The following NR5A2 variants were observed in gnomAD, a reference collection of about 807,000 sequenced individuals.
NR5A2 encodes nuclear receptor subfamily 5 group A member 2.
A neutral mutation model predicts 62.7 loss-of-function variants in NR5A2; 26 were observed. The ratio of observed to expected loss-of-function variants is 0.41; its 90% CI spans 0.30 to 0.58. The LOEUF (loss-of-function observed/expected upper bound fraction) is 0.58, where lower values mean the gene tolerates loss of function less well. NR5A2 is among the 20% of genes least tolerant of loss of function. The pLI is 0.22. For missense variants in NR5A2, 541 were observed against 669.1 expected (o/e 0.81, Z 2.11); for synonymous variants, 246 against 241.7 (o/e 1.02, Z -0.16).
At chr1:200,038,621 C>T (rs1317533925) in intron 1 of NR5A2, 1 of 944,284 alleles carries the variant, frequency 1.1e-6, no homozygotes, top group Non-Finnish European at 1.5e-6. Context: ...GTGTTTAACT[C>T]CCTTCATCTC....
intron 5 of NR5A2, among the ~76,000 whole-genome samples, chr1:200,105,324 A>AG (rs1270124848): frequency 6.7e-6 from 1 of 148,258 alleles, no homozygotes; most frequent in Non-Finnish European, 1.5e-5. Context: ...ACTGAGAGAG[A>AG]AAAAAAAAGT....
At chr1:200,064,944 A>ATTAT (rs905867142) in intron 5 of NR5A2, among the ~76,000 whole-genome samples, 1 of 151,904 alleles carries the variant, frequency 6.6e-6, no homozygotes, top group Non-Finnish European at 1.5e-5. Context: ...TGTTTTAAAA[A>ATTAT]TTATTTATTT....
chr1:200,049,903 T>C (rs1037700607), intron 5 of NR5A2, among the ~76,000 whole-genome samples: 1 of 152,140 alleles, frequency 6.6e-6, no homozygotes, highest in African/African-American at 2.4e-5. Flanking sequence ...AAATGGAAAA[T>C]AATGCTTTCA....
intron 6 of NR5A2, among the ~76,000 whole-genome samples, chr1:200,115,998 T>C (rs1461271953): frequency 2.0e-5 from 3 of 152,050 alleles, no homozygotes; most frequent in Non-Finnish European, 4.4e-5. Flanking sequence ...TCACTCATTA[T>C]AGATTTCCAG....
chr1:200,092,997 C>T (rs1001321729), intron 5 of NR5A2, among the ~76,000 whole-genome samples: 8 of 150,432 alleles, frequency 5.3e-5, no homozygotes, highest in Non-Finnish European at 1.2e-4. Flanking sequence ...GATTCTCCTG[C>T]CTCAGCCTCC....
At chr1:200,154,878 G>C (rs1393885802) in intron 7 of NR5A2, among the ~76,000 whole-genome samples, 2 of 152,164 alleles carry the variant, frequency 1.3e-5, no homozygotes, top group African/African-American at 2.4e-5. Context: ...TTAGTGGCTG[G>C]AAGCTCTCTC....
At position 200,173,982 on chromosome 1, in the gene NR5A2, C is replaced by T; in HGVS notation, c.1398C>T (p.Asn466=). ...ATGCAGATGTCAAAAACCTTGAAAA[C>T]TTCCAGCTGGTAGAAGGTGTCCAGG... ...LFSLDVKNLE[N]FQLVEGVQEQ... The change falls in exon 8 of 8, where the codon AAC becomes AAT. Residue 466 remains asparagine (N), a synonymous_variant. Coordinates refer to ENST00000367362, the MANE Select transcript of NR5A2 (RefSeq NM_205860.3). 1 of 1,353,012 alleles carries T rather than the reference C, an allele frequency of 7.4e-7. No homozygotes were observed. Among genetic ancestry groups the T allele is most frequent in the Admixed American group, 2.8e-5 (1 of 35,912 alleles). 83.8% of individuals were successfully genotyped at this position (1,353,012 alleles called of 1,614,324 possible).
rs140724522 is a variant in NR5A2, at chr1:200,100,928, A to T, written c.1111-10274A>T. Among the ~76,000 whole-genome samples, 859 of 152,248 alleles carry T rather than the reference A, an allele frequency of 5.6e-3. 5 individuals carry two copies. Among genetic ancestry groups the T allele is most frequent in the Non-Finnish European group, 9.4e-3 (640 of 68,002 alleles). On this transcript the variant is annotated intron_variant, in intron 5 of 7. Coordinates refer to ENST00000367362, the MANE Select transcript of NR5A2 (RefSeq NM_205860.3). ...ATTTCCAACAACTGAAACAACCCTT[A>T]TGGAGCTTATTTTGGGGCTGATCCT... is the stretch of plus-strand genomic sequence containing the variant.
At chr1:200,124,183 T>G (rs769648072) in intron 7 of NR5A2, among the ~76,000 whole-genome samples, 4 of 152,188 alleles carry the variant, frequency 2.6e-5, no homozygotes, top group Non-Finnish European at 4.4e-5. Context: ...CCACAAGATG[T>G]GGCAGAGTTG....
chr1:200,096,155 T>A (rs906139064), intron 5 of NR5A2, among the ~76,000 whole-genome samples: 1 of 152,166 alleles, frequency 6.6e-6, no homozygotes, highest in Non-Finnish European at 1.5e-5. Context: ...GTGCACTATC[T>A]TAGCTCATGG....
At position 200,058,739 on chromosome 1, in the gene NR5A2, A is replaced by G. The variant is rs566313177; in HGVS notation, c.1110+9921A>G. 7.5e-3 allele frequency among the ~76,000 whole-genome samples: 1,057 copies of G among 140,646 alleles called. 9 individuals carry two copies. The highest frequency in any genetic ancestry group is 0.026 in the African/African-American group (1,006 of 37,982). The allele number at this position is 140,646 out of a possible 152,430, so 92.3% of individuals were successfully genotyped here. ...GGTGATCCACCTGCCTCGGCCTCCC[A>G]AAGTGCTGGGATTACAAGCATGAAC... On this transcript the variant is annotated intron_variant, in intron 5 of 7. Coordinates refer to ENST00000367362, the MANE Select transcript of NR5A2 (RefSeq NM_205860.3).
intron 7 of NR5A2, among the ~76,000 whole-genome samples, chr1:200,163,743 G>A (rs113391053): frequency 0.023 from 3,539 of 152,264 alleles, 80 homozygotes; most frequent in Non-Finnish European, 0.033. Flanking sequence ...GCCTGCCAAA[G>A]TGCTGGGATT....
intron 5 of NR5A2, among the ~76,000 whole-genome samples, chr1:200,102,155 T>G (rs1249878069): frequency 6.6e-6 from 1 of 152,240 alleles, no homozygotes; most frequent in Admixed American, 6.5e-5. Flanking sequence ...GTGTATACCA[T>G]GCGGATGGAT....
At position 200,146,733 on chromosome 1, in the gene NR5A2, T is replaced by A. The variant is rs537179918; in HGVS notation, c.1378+25778T>A. Among the ~76,000 whole-genome samples the A allele has an allele frequency of 3.9e-5, 6 of 152,308 alleles. No homozygotes were observed. In the South Asian group the frequency reaches 6.2e-4, roughly 16 times the overall value. ...AACTGGGGCTGGAAGTCAAAATTAA[T>A]GAACAAATTACCCCAAATATTCTTA... On this transcript the variant is annotated intron_variant, in intron 7 of 7. Transcript: ENST00000367362.
At chr1:200,157,848 C>A (rs1379678151) in intron 7 of NR5A2, among the ~76,000 whole-genome samples, 1 of 152,162 alleles carries the variant, frequency 6.6e-6, no homozygotes, top group Non-Finnish European at 1.5e-5. Flanking sequence ...CCCTTCATTT[C>A]AACCTCTGAT....
In NR5A2 at chr1:200,175,379, C is replaced by T. The variant is rs902556633; in HGVS notation, c.*1169C>T. The T allele has an allele frequency of 4.6e-5, 7 of 152,586 alleles. No individual in the cohort carries two copies. Among genetic ancestry groups the T allele is most frequent in the Admixed American group, 3.3e-4 (5 of 15,276 alleles). The allele number at this position is 152,586 out of a possible 1,614,324, so 9.5% of individuals were successfully genotyped here. On this transcript the variant is annotated 3_prime_UTR_variant, in exon 8 of 8. Transcript: ENST00000367362. ...AGATATTAAAGTAATTCAAATCTTCCCCAAAGGGGAAAGGAAGAGAGTGAT... is the reference window on the plus strand; with the variant it reads ...AGATATTAAAGTAATTCAAATCTTCTCCAAAGGGGAAAGGAAGAGAGTGAT...
At chr1:200,060,939 T>TAAAA (rs60736317) in intron 5 of NR5A2, among the ~76,000 whole-genome samples, 6 of 87,834 alleles carry the variant, frequency 6.8e-5, no homozygotes, top group African/African-American at 1.3e-4. Context: ...CCATCTCTAC[T>TAAAA]AAAAAAAAAA....
At chr1:200,157,254 A>G (rs1045564695) in intron 7 of NR5A2, among the ~76,000 whole-genome samples, 8 of 152,342 alleles carry the variant, frequency 5.3e-5, no homozygotes, top group African/African-American at 1.7e-4. Context: ...CGGATTTAAA[A>G]TCACTTCAAT....
At position 200,096,698 on chromosome 1, in the gene NR5A2, A is replaced by C. The variant is rs188852639; in HGVS notation, c.1111-14504A>C. 1.8e-3 allele frequency among the ~76,000 whole-genome samples: 272 copies of C among 152,358 alleles called. 1 individual carries two copies. Among genetic ancestry groups the C allele is most frequent in the African/African-American group, 6.2e-3 (258 of 41,584 alleles). On this transcript the variant is annotated intron_variant, in intron 5 of 7. Coordinates refer to ENST00000367362, the MANE Select transcript of NR5A2 (RefSeq NM_205860.3). ...AAACACACAGTACATCGTGCACAGC[A>C]TAACGATGCTTCATAAATGATGGAC...
Sources: gnomAD v4.1 joint callset for allele counts (sites outside exome capture counted in the v4.1 genomes callset) on GRCh38, gnomAD v4.1.1 for gene constraint, MANE v1.5 for transcripts, NCBI Gene and HGNC (gene_info 2026-07-23, HGNC 2026-07-21) for gene names.